PTPRD: variants seen among roughly 807,000 people sequenced by gnomAD.
PTPRD encodes protein tyrosine phosphatase receptor type D.
Under a neutral mutation model 214.5 loss-of-function variants are expected in PTPRD, and 34 were observed. The ratio of observed to expected loss-of-function variants is 0.16; its 90% CI spans 0.12 to 0.21. The LOEUF (loss-of-function observed/expected upper bound fraction) is 0.21, where lower values mean the gene tolerates loss of function less well. PTPRD is among the 10% of genes least tolerant of loss of function. The pLI, the probability that PTPRD is intolerant of heterozygous loss-of-function variation, is 1.00. For missense variants in PTPRD, 2,545 were observed against 2,398.7 expected (o/e 1.06, Z -1.27); for synonymous variants, 1,128 against 845.7 (o/e 1.33, Z -5.79).
chr9:9,969,170 A>C (rs1302267481), intron 4 of PTPRD, among the ~76,000 whole-genome samples: 1 of 152,218 alleles, frequency 6.6e-6, no homozygotes, highest in East Asian at 1.9e-4. Context: ...ATTAGGTGAA[A>C]GGATGAGAGC....
chr9:9,323,090 G>A (rs1219967242), intron 9 of PTPRD, among the ~76,000 whole-genome samples: 1 of 151,926 alleles, frequency 6.6e-6, no homozygotes. Context: ...ATACCCTAGG[G>A]CACTTTACTA....
chr9:9,321,819 A>G (rs1472939644), intron 9 of PTPRD, among the ~76,000 whole-genome samples: 1 of 152,138 alleles, frequency 6.6e-6, no homozygotes, highest in Non-Finnish European at 1.5e-5. Context: ...TAAATGAGAT[A>G]ATTCATGTAA....
intron 7 of PTPRD, among the ~76,000 whole-genome samples, chr9:9,592,497 C>T (rs1306374735): frequency 2.0e-5 from 3 of 151,926 alleles, no homozygotes; most frequent in African/African-American, 7.2e-5. Flanking sequence ...CATTATTTAA[C>T]AGTAGGAGAA....
chr9:9,785,019 GA>G (rs905693082), intron 5 of PTPRD, among the ~76,000 whole-genome samples: 5 of 144,758 alleles, frequency 3.5e-5, no homozygotes, highest in African/African-American at 7.6e-5. Flanking sequence ...ACATGTTTTG[GA>G]AAAAAAAAAC....
chr9:8,752,871 G>C lies in PTPRD; in HGVS notation c.-103-18925C>G, dbSNP rs1193325117. On this transcript the variant is annotated intron_variant, in intron 11 of 45. Coordinates refer to ENST00000381196, the MANE Select transcript of PTPRD (RefSeq NM_002839.4). ...TCCAGAGAATTGAGATAATTAAGTG[G>C]GTACTGGGTTAAGCTACTAAGTTTA... is the stretch of plus-strand genomic sequence containing the variant. Among the ~76,000 whole-genome samples, 5 of 152,212 alleles carry C rather than the reference G, an allele frequency of 3.3e-5. No individual in the cohort carries two copies. The East Asian group carries it at 7.7e-4, about 24-fold the overall frequency.
In PTPRD at chr9:8,636,240, C is replaced by T. The variant is rs577453277; in HGVS notation, c.210+459G>A. ...TTCTAAGCCATGCAATTGGATGGGA[C>T]TGTCCTCATTCCCAGAACAGAGGTA... On this transcript the variant is annotated intron_variant, in intron 13 of 45. Transcript: ENST00000381196. 2.6e-5 allele frequency among the ~76,000 whole-genome samples: 4 copies of T among 152,152 alleles called. No individual in the cohort carries two copies. The South Asian group carries it at 8.3e-4, about 31-fold the overall frequency.
Position 10,511,931 on chromosome 9 carries a change from C to CGTGTGT in PTPRD, c.-600+100466_-600+100467insACACAC, listed in dbSNP as rs1412902752. 3.1e-5 allele frequency among the ~76,000 whole-genome samples: 2 copies of CGTGTGT among 63,820 alleles called. 1 individual carries two copies. Among genetic ancestry groups the CGTGTGT allele is most frequent in the East Asian group, 9.7e-4 (2 of 2,060 alleles). 41.9% of individuals were successfully genotyped at this position (63,820 alleles called of 152,430 possible). On this transcript the variant is annotated intron_variant, in intron 2 of 45. Transcript: ENST00000381196. The stretch of plus-strand genomic sequence containing the variant: ...ATATATATACGTGTATATATATATA[C>CGTGTGT]GTGTATATATATATACGTGTGTGTA...
intron 11 of PTPRD, among the ~76,000 whole-genome samples, chr9:8,750,801 G>C (rs2093444205): frequency 1.3e-5 from 2 of 152,306 alleles, no homozygotes; most frequent in Non-Finnish European, 2.9e-5. Context: ...GTAAGCAACA[G>C]TGGAGAGACT....
At chr9:10,263,313 T>C (rs1221268912) in intron 3 of PTPRD, among the ~76,000 whole-genome samples, 1 of 152,114 alleles carries the variant, frequency 6.6e-6, no homozygotes, top group African/African-American at 2.4e-5. Flanking sequence ...CAGGAGTATG[T>C]GGGAAAGTTT....
At chr9:9,939,364 G>A (rs149846228) in intron 4 of PTPRD, among the ~76,000 whole-genome samples, 1 of 152,156 alleles carries the variant, frequency 6.6e-6, no homozygotes, top group Non-Finnish European at 1.5e-5. Flanking sequence ...CTCTAAAAAT[G>A]CAAGAGATGC....
chr9:9,839,289 A>C (rs1348094179), intron 5 of PTPRD, among the ~76,000 whole-genome samples: 4 of 152,098 alleles, frequency 2.6e-5, no homozygotes, highest in Admixed American at 6.6e-5. Context: ...ACATGATTGT[A>C]TATCTAGAAA....
intron 39 of PTPRD, among the ~76,000 whole-genome samples, chr9:8,367,571 T>C (rs1239791499): frequency 6.6e-6 from 1 of 152,324 alleles, no homozygotes; most frequent in African/African-American, 2.4e-5. Context: ...GCATTTATTT[T>C]AGTGCAATGA....
At chr9:10,146,172 T>C (rs1418029140) in intron 3 of PTPRD, among the ~76,000 whole-genome samples, 1 of 151,292 alleles carries the variant, frequency 6.6e-6, no homozygotes, top group African/African-American at 2.4e-5. Flanking sequence ...TATATATGTA[T>C]ATGCCTATAC....
intron 3 of PTPRD, among the ~76,000 whole-genome samples, chr9:10,276,961 T>C (rs760506535): frequency 4.6e-5 from 7 of 152,000 alleles, no homozygotes; most frequent in Non-Finnish European, 7.4e-5. Context: ...TAAAGAATAA[T>C]CCAATTATTT....
rs188349118 is a variant in PTPRD, at chr9:8,491,336, G to A, written c.2467+1526C>T. Among the ~76,000 whole-genome samples the A allele has an allele frequency of 2.3e-3, 351 of 152,222 alleles. 4 individuals carry two copies. Among genetic ancestry groups the A allele is most frequent in the African/African-American group, 8.2e-3 (342 of 41,556 alleles). On this transcript the variant is annotated intron_variant, in intron 27 of 45. Coordinates refer to ENST00000381196, the MANE Select transcript of PTPRD (RefSeq NM_002839.4). ...AAAGGGATGAGCTAGCCTTAGTGAC[G>A]TTAAAATAGACAAAATCATTCCTTT...
intron 10 of PTPRD, among the ~76,000 whole-genome samples, chr9:9,027,398 T>C (rs2099590999): frequency 6.6e-6 from 1 of 151,940 alleles, no homozygotes; most frequent in African/African-American, 2.4e-5. Context: ...GTAATTTCGT[T>C]TGTAGTGATA....
At chr9:8,332,698 A>G (rs1842672791) in intron 43 of PTPRD, among the ~76,000 whole-genome samples, 2 of 152,168 alleles carry the variant, frequency 1.3e-5, no homozygotes, top group Admixed American at 6.5e-5. Context: ...CTAGAAGTAC[A>G]AGAAAAGTGG....
intron 3 of PTPRD, among the ~76,000 whole-genome samples, chr9:10,290,898 A>G (rs1325522927): frequency 6.6e-6 from 1 of 152,182 alleles, no homozygotes; most frequent in African/African-American, 2.4e-5. Context: ...TGAATATAAA[A>G]TAAACCCTCT....
intron 11 of PTPRD, among the ~76,000 whole-genome samples, chr9:8,930,523 G>T (rs11506745): frequency 0.51 from 77,104 of 151,660 alleles, 19,719 homozygotes; most frequent in Middle Eastern, 0.59. Context: ...TCTAGATCCC[G>T]GAGGAATCGC....
Sources: gnomAD v4.1 joint callset for allele counts (sites outside exome capture counted in the v4.1 genomes callset) on GRCh38, gnomAD v4.1.1 for gene constraint, MANE v1.5 for transcripts, NCBI Gene and HGNC (gene_info 2026-07-23, HGNC 2026-07-21) for gene names.